The following ADGRB3 variants were observed in gnomAD, a reference collection of about 807,000 sequenced individuals.
The protein encoded by ADGRB3 is adhesion G protein-coupled receptor B3, also known as brain-specific angiogenesis inhibitor 3.
Under a neutral mutation model 193.4 loss-of-function variants are expected in ADGRB3, and 37 were observed. The observed-to-expected ratio is 0.19, with a 90% CI of 0.15 to 0.25. The LOEUF (loss-of-function observed/expected upper bound fraction) is 0.25, where lower values mean the gene tolerates loss of function less well. ADGRB3 is among the 10% of genes least tolerant of loss of function. ADGRB3 has a pLI of 1.00. For synonymous variants in ADGRB3, 690 were observed against 644.2 expected (o/e 1.07, Z -1.08); for missense variants, 1,637 against 1,852.9 (o/e 0.88, Z 2.14).
In ADGRB3 at chr6:68,710,781, T is replaced by A. The variant is rs141955672; in HGVS notation, c.757+71349T>A. ...TTTGGGGATTCCTATTAGCCCAGTGTTTCTCATCATTTCTTTGCCTTAGGT... is the reference window on the plus strand; with the variant it reads ...TTTGGGGATTCCTATTAGCCCAGTGATTCTCATCATTTCTTTGCCTTAGGT... On this transcript the variant is annotated intron_variant, in intron 3 of 31. Coordinates refer to ENST00000370598, the MANE Select transcript of ADGRB3 (RefSeq NM_001704.3). Among the ~76,000 whole-genome samples, 231 of 152,214 alleles carry A rather than the reference T, an allele frequency of 1.5e-3. 3 individuals carry two copies. The highest frequency in any genetic ancestry group is 5.3e-3 in the African/African-American group (220 of 41,536).
chr6:68,819,075 C>A (rs1178952432), intron 3 of ADGRB3, among the ~76,000 whole-genome samples: 1 of 152,018 alleles, frequency 6.6e-6, no homozygotes, highest in Non-Finnish European at 1.5e-5. Context: ...AGAAAATTAT[C>A]CAGCCTTTAG....
chr6:69,298,864 A>C (rs915125485), intron 20 of ADGRB3, among the ~76,000 whole-genome samples: 8 of 151,978 alleles, frequency 5.3e-5, no homozygotes, highest in African/African-American at 1.9e-4. Flanking sequence ...TATCTCTTCC[A>C]TATACTGTTT....
At chr6:68,980,038 C>G (rs1270881454) in intron 10 of ADGRB3, among the ~76,000 whole-genome samples, 1 of 151,394 alleles carries the variant, frequency 6.6e-6, no homozygotes, top group Non-Finnish European at 1.5e-5. Flanking sequence ...TATCACTCCT[C>G]CTTCCCTGGA....
chr6:69,325,527 G>T (rs1180130800), intron 21 of ADGRB3, among the ~76,000 whole-genome samples: 1 of 152,162 alleles, frequency 6.6e-6, no homozygotes, highest in African/African-American at 2.4e-5. Context: ...AGCAGAAACA[G>T]AATTGCTGAC....
chr6:69,211,116 C>T (rs964994557), intron 17 of ADGRB3, among the ~76,000 whole-genome samples: 3 of 152,076 alleles, frequency 2.0e-5, no homozygotes, highest in African/African-American at 7.2e-5. Flanking sequence ...AGAGAGACTC[C>T]GTCTCAAAAG....
At chr6:68,838,746 T>C (rs1768092337) in intron 3 of ADGRB3, among the ~76,000 whole-genome samples, 1 of 152,218 alleles carries the variant, frequency 6.6e-6, no homozygotes, top group South Asian at 2.1e-4. Context: ...GATATGCTGA[T>C]ATGCAAAGTG....
rs1582673681 is a variant in ADGRB3, at chr6:69,389,162, A to T, written c.*271A>T. 1.9e-5 allele frequency: 5 copies of T among 265,608 alleles called. No individual in the cohort carries two copies. Among genetic ancestry groups the T allele is most frequent in the African/African-American group, 8.7e-5 (4 of 45,796 alleles). 16.5% of individuals were successfully genotyped at this position (265,608 alleles called of 1,614,324 possible). On this transcript the variant is annotated 3_prime_UTR_variant, in exon 32 of 32. Transcript: ENST00000370598. The stretch of plus-strand genomic sequence containing the variant: ...ATAGATAAACCTCAAGCAACGATTC[A>T]TGTTGTAACCGCTTCATATGGTTTA...
At chr6:69,000,665 T>A (rs1450486795) in intron 11 of ADGRB3, among the ~76,000 whole-genome samples, 1 of 152,088 alleles carries the variant, frequency 6.6e-6, no homozygotes, top group Non-Finnish European at 1.5e-5. Flanking sequence ...AATATAAGGG[T>A]TAAAACAAAA....
At chr6:68,982,031 G>A (rs576144499) in intron 10 of ADGRB3, among the ~76,000 whole-genome samples, 3 of 151,872 alleles carry the variant, frequency 2.0e-5, no homozygotes, top group East Asian at 1.9e-4. Flanking sequence ...GATTACAGGC[G>A]CCTGCCACCA....
intron 17 of ADGRB3, among the ~76,000 whole-genome samples, chr6:69,159,660 C>T (rs1349551902): frequency 6.6e-6 from 1 of 151,974 alleles, no homozygotes; most frequent in African/African-American, 2.4e-5. Flanking sequence ...TCATGGAGTC[C>T]CATTGATTTT....
At chr6:69,109,876 T>C (rs1447649124) in intron 17 of ADGRB3, among the ~76,000 whole-genome samples, 1 of 152,180 alleles carries the variant, frequency 6.6e-6, no homozygotes, top group Non-Finnish European at 1.5e-5. Flanking sequence ...TTGTTATTAT[T>C]GAGTATAATT....
chr6:69,154,094 C>T (rs1774762687), intron 17 of ADGRB3, among the ~76,000 whole-genome samples: 1 of 152,152 alleles, frequency 6.6e-6, no homozygotes, highest in African/African-American at 2.4e-5. Context: ...TGAAACCACA[C>T]TTCAAAACTG....
chr6:69,169,914 T>C (rs533600176), intron 17 of ADGRB3, among the ~76,000 whole-genome samples: 12 of 152,270 alleles, frequency 7.9e-5, no homozygotes, highest in African/African-American at 2.9e-4. Flanking sequence ...CTTGGCTATC[T>C]AAGTGCAGAA....
intron 8 of ADGRB3, among the ~76,000 whole-genome samples, chr6:68,968,989 T>A (rs974098211): frequency 1.4e-4 from 21 of 152,248 alleles, no homozygotes; most frequent in African/African-American, 5.1e-4. Context: ...AACATTTCTA[T>A]CATTGAAAAA....
chr6:69,361,301 A>G lies in ADGRB3; in HGVS notation c.4028A>G (p.Tyr1343Cys), dbSNP rs1220188917. 1.2e-6 allele frequency: 2 copies of G among 1,612,966 alleles called. No homozygotes were observed. The highest frequency in any genetic ancestry group is 1.7e-6 in the Non-Finnish European group (2 of 1,179,272). The change falls in exon 29 of 32, where the codon TAC (tyrosine) becomes TGC (cysteine). Residue 1343 changes from tyrosine (Y) to cysteine (C), a missense_variant. Tyr to Cys is a radical substitution (Grantham distance 194). This residue lies in a region of ADGRB3 where 368 missense variants were observed against 367.4 expected (regional missense o/e 1.00). Coordinates refer to ENST00000370598, the MANE Select transcript of ADGRB3 (RefSeq NM_001704.3). ...TTGCCGCATGAAAGGCTATTGCACT[A>G]CAAAGTAAACCCTGAATTCAATATG... ...ETLPHERLLH[Y>C]KVNPEFNMNP... is the part of the protein sequence containing the mutation.
intron 11 of ADGRB3, among the ~76,000 whole-genome samples, chr6:69,008,488 A>T (rs2150282835): frequency 6.6e-6 from 1 of 152,042 alleles, no homozygotes; most frequent in African/African-American, 2.4e-5. Context: ...CCCTTTCTTC[A>T]TTCTTTTTTC....
At chr6:69,086,315 G>C (rs1458588785) in intron 17 of ADGRB3, among the ~76,000 whole-genome samples, 1 of 152,030 alleles carries the variant, frequency 6.6e-6, no homozygotes. Context: ...TGTACAAGTG[G>C]TTGTTTTTCA....
intron 2 of ADGRB3, among the ~76,000 whole-genome samples, chr6:68,638,257 A>C (rs1426598417): frequency 6.6e-6 from 1 of 152,212 alleles, no homozygotes; most frequent in Non-Finnish European, 1.5e-5. Flanking sequence ...ACAGAGAGAG[A>C]AAAGGTTGTA....
intron 3 of ADGRB3, among the ~76,000 whole-genome samples, chr6:68,684,144 T>A (rs934291621): frequency 6.6e-6 from 1 of 152,204 alleles, no homozygotes; most frequent in Non-Finnish European, 1.5e-5. Flanking sequence ...AATCTTTCTC[T>A]TGTTCTCAGT....
Sources: gnomAD v4.1 joint callset for allele counts (sites outside exome capture counted in the v4.1 genomes callset) on GRCh38, gnomAD v4.1.1 for gene constraint, gnomAD v4.1.1 regional missense constraint, MANE v1.5 for transcripts, NCBI Gene and HGNC (gene_info 2026-07-23, HGNC 2026-07-21) for gene names.